Variants in RAI14 observed in about 807,000 individuals in gnomAD.
RAI14 encodes the protein ankycorbin.
RAI14 carries 45 observed loss-of-function variants against 115.4 expected under a neutral mutation model. That is an observed-to-expected ratio of 0.39 (90% CI 0.31 to 0.50). The LOEUF (loss-of-function observed/expected upper bound fraction) is 0.50. Ranked by LOEUF, RAI14 falls within the 20% of genes least tolerant of loss-of-function variation. RAI14 has a pLI of 0.85. For synonymous variants in RAI14, 371 were observed against 415.4 expected (o/e 0.89, Z 1.30); for missense variants, 939 against 1,131.2 (o/e 0.83, Z 2.44).
intron 2 of RAI14, among the ~76,000 whole-genome samples, chr5:34,746,115 T>TC (rs1746183015): frequency 8.7e-6 from 1 of 114,744 alleles, no homozygotes; most frequent in Non-Finnish European, 1.8e-5. Context: ...TTTTTTTTTT[T>TC]GTTTTTTTGA....
intron 2 of RAI14, among the ~76,000 whole-genome samples, chr5:34,725,593 G>A (rs948891143): frequency 6.6e-6 from 1 of 151,736 alleles, no homozygotes; most frequent in African/African-American, 2.4e-5. Context: ...GATAAAACAA[G>A]CAGAGGACAT....
chr5:34,729,254 C>T (rs1743872484), intron 2 of RAI14, among the ~76,000 whole-genome samples: 1 of 151,652 alleles, frequency 6.6e-6, no homozygotes, highest in Admixed American at 6.6e-5. Flanking sequence ...GAGGCTGGGG[C>T]AGGAGGATTG....
At chr5:34,811,579 G>T (rs1755584044) in intron 8 of RAI14, among the ~76,000 whole-genome samples, 188 bp from the exon 9 acceptor site, 1 of 113,920 alleles carries the variant, frequency 8.8e-6, no homozygotes, top group Non-Finnish European at 2.0e-5. Context: ...TTAATCTGAA[G>T]TTTAAAAAAA....
intron 3 of RAI14, among the ~76,000 whole-genome samples, chr5:34,761,245 G>A (rs939594015): frequency 1.3e-5 from 2 of 152,182 alleles, no homozygotes; most frequent in African/African-American, 4.8e-5. Context: ...GGAATGCAGT[G>A]GTGCAGTCAC....
chr5:34,693,709 C>T (rs1366382866), intron 2 of RAI14, among the ~76,000 whole-genome samples: 4 of 152,142 alleles, frequency 2.6e-5, no homozygotes, highest in Admixed American at 2.0e-4. Context: ...GGGAGAGTGT[C>T]GCATGCTGTC....
In RAI14 at chr5:34,700,904, G is replaced by A. The variant is rs116977381; in HGVS notation, c.36+13949G>A. The stretch of plus-strand genomic sequence containing the variant: ...TAATTAACTAGCCTGTGTTCCTTGG[G>A]CAGAAAATTACCTAAATTTAGACCC... On this transcript the variant is annotated intron_variant, in intron 2 of 17. Coordinates refer to ENST00000265109, the MANE Select transcript of RAI14 (RefSeq NM_015577.3). Among the ~76,000 whole-genome samples, 23 of 152,264 alleles carry A rather than the reference G, an allele frequency of 1.5e-4. No homozygotes were observed. The East Asian group carries it at 4.2e-3, about 28-fold the overall frequency.
rs144951411 is a variant in RAI14 at position 34,679,311 on chromosome 5, G to A, written c.-48-7561G>A. 3.7e-3 allele frequency among the ~76,000 whole-genome samples: 557 copies of A among 152,338 alleles called. 4 individuals carry two copies. The highest frequency in any genetic ancestry group is 0.012 in the African/African-American group (509 of 41,576). ...GTATGTCTGTGTTTCCAGCGTAACC[G>A]TAGTGCTCATTCATTCATTCATCAT... On this transcript the variant is annotated intron_variant, in intron 1 of 17. Coordinates refer to ENST00000265109, the MANE Select transcript of RAI14 (RefSeq NM_015577.3).
At chr5:34,822,252 A>G (rs9292565) in intron 14 of RAI14, among the ~76,000 whole-genome samples, 141 of 128,590 alleles carry the variant, frequency 1.1e-3, no homozygotes, top group Middle Eastern at 3.8e-3. Flanking sequence ...GTGTGTATGT[A>G]TATATATATA....
chr5:34,728,058 C>A (rs1235275165), intron 2 of RAI14, among the ~76,000 whole-genome samples: 1 of 152,168 alleles, frequency 6.6e-6, no homozygotes, highest in African/African-American at 2.4e-5. Context: ...GACTTGTAGT[C>A]ACAAGGGATC....
At chr5:34,738,900 C>T (rs1015731052) in intron 2 of RAI14, among the ~76,000 whole-genome samples, 3 of 152,122 alleles carry the variant, frequency 2.0e-5, no homozygotes, top group African/African-American at 7.2e-5. Flanking sequence ...TGAATTTTCC[C>T]CTAAGTTCAA....
At chr5:34,739,742 C>T (rs1745267501) in intron 2 of RAI14, among the ~76,000 whole-genome samples, 1 of 152,094 alleles carries the variant, frequency 6.6e-6, no homozygotes, top group African/African-American at 2.4e-5. Flanking sequence ...GCCCTTGTGC[C>T]AGATGCCTGG....
intron 2 of RAI14, among the ~76,000 whole-genome samples, chr5:34,694,719 C>A (rs186539379): frequency 6.6e-6 from 1 of 152,074 alleles, no homozygotes; most frequent in Admixed American, 6.5e-5. Context: ...AGGTTTATAA[C>A]GTAAGAATAG....
At chr5:34,736,214 A>G (rs1194120468) in intron 2 of RAI14, among the ~76,000 whole-genome samples, 3 of 152,202 alleles carry the variant, frequency 2.0e-5, no homozygotes, top group African/African-American at 7.2e-5. Flanking sequence ...CAGGCTGGCC[A>G]ACATGGCGAA....
chr5:34,710,148 T>TA (rs1741208865), intron 2 of RAI14, among the ~76,000 whole-genome samples: 2 of 152,212 alleles, frequency 1.3e-5, no homozygotes. Flanking sequence ...ATGGGCGGCT[T>TA]AGAACAACTG....
chr5:34,728,280 C>T (rs1005723687), intron 2 of RAI14, among the ~76,000 whole-genome samples: 5 of 152,102 alleles, frequency 3.3e-5, no homozygotes, highest in African/African-American at 1.2e-4. Context: ...GGACTGTGGA[C>T]TTTTGAGTTA....
At chr5:34,815,278 G>A (rs1034815870) in intron 12 of RAI14, among the ~76,000 whole-genome samples, 2 of 152,212 alleles carry the variant, frequency 1.3e-5, no homozygotes, top group African/African-American at 2.4e-5. Flanking sequence ...CTACTTAGGC[G>A]GCTGAGGCAG....
intron 15 of RAI14, among the ~76,000 whole-genome samples, chr5:34,825,515 C>G (rs1272526181): frequency 6.6e-6 from 1 of 152,036 alleles, no homozygotes; most frequent in East Asian, 1.9e-4. Context: ...ATCCTGTTTC[C>G]CTAAGGTCCA....
chr5:34,758,827 C>T (rs1182137897), intron 3 of RAI14, among the ~76,000 whole-genome samples: 3 of 152,224 alleles, frequency 2.0e-5, no homozygotes, highest in African/African-American at 7.2e-5. Flanking sequence ...GCAGAGACTA[C>T]ATGGCTCACA....
chr5:34,792,357 C>T (rs1173735068), intron 3 of RAI14, among the ~76,000 whole-genome samples: 2 of 151,702 alleles, frequency 1.3e-5, no homozygotes, highest in Non-Finnish European at 2.9e-5. Context: ...TCTCAGCCTC[C>T]CGAGTAGATG....
Sources: allele counts gnomAD v4.1 joint callset (sites outside exome capture counted in the v4.1 genomes callset), GRCh38; gene constraint gnomAD v4.1.1; transcripts MANE v1.5; gene names NCBI Gene and HGNC (gene_info 2026-07-23, HGNC 2026-07-21).